The following DAB1 variants were observed in gnomAD, a reference collection of about 807,000 sequenced individuals.
DAB1 encodes the protein disabled homolog 1.
In DAB1, 15 loss-of-function variants were observed where a neutral mutation model predicts 64.6. The observed-to-expected ratio is 0.23, with a 90% CI of 0.16 to 0.36. DAB1 has a LOEUF of 0.36. DAB1 is among the 10% of genes least tolerant of loss of function. The pLI is 1.00. For missense variants in DAB1, 596 were observed against 706.7 expected, an observed-to-expected ratio of 0.84 and a Z score of 1.78; for synonymous variants, 235 against 251.9, an observed-to-expected ratio of 0.93 and a Z score of 0.64.
chr1:57,033,544 T>C, intron 9 of DAB1: 2 of 1,612,848 alleles, frequency 1.2e-6, no homozygotes, highest in Admixed American at 3.3e-5. Flanking sequence ...CAGCAAACCG[T>C]TCTTCAAAAT....
At chr1:58,314,316 G>C (rs547441757) in intron 4 of DAB1, among the ~76,000 whole-genome samples, 1 of 152,250 alleles carries the variant, frequency 6.6e-6, no homozygotes, top group African/African-American at 2.4e-5. Context: ...GCCTGATCCT[G>C]TTCTATGGCC....
intron 6 of DAB1, among the ~76,000 whole-genome samples, chr1:57,687,614 A>AG (rs1227289002): frequency 5.1e-4 from 77 of 150,100 alleles, no homozygotes; most frequent in African/African-American, 1.7e-3. Context: ...AAAAAAAAAA[A>AG]AAAAAGAAAA....
intron 1 of DAB1, among the ~76,000 whole-genome samples, chr1:57,327,854 C>A (rs949784152): frequency 1.3e-5 from 2 of 152,020 alleles, no homozygotes; most frequent in Admixed American, 1.3e-4. Context: ...GAAAAAACAA[C>A]AACAAAAAAT....
chr1:58,439,969 A>T (rs1435515795), intron 3 of DAB1, among the ~76,000 whole-genome samples: 1 of 152,178 alleles, frequency 6.6e-6, no homozygotes, highest in Non-Finnish European at 1.5e-5. Context: ...AGTTACTGTG[A>T]TGAGATTCCT....
At chr1:58,539,005 C>G (rs1222738926) in intron 1 of DAB1, 1 of 872,842 alleles carries the variant, frequency 1.1e-6, no homozygotes, top group Non-Finnish European at 2.0e-6. Context: ...CCATACAGTA[C>G]ATTTGCTGGT....
At chr1:58,353,615 A>G (rs1391792173) in intron 3 of DAB1, among the ~76,000 whole-genome samples, 2 of 152,140 alleles carry the variant, frequency 1.3e-5, no homozygotes, top group Non-Finnish European at 2.9e-5. Flanking sequence ...CAAAACACAT[A>G]CTCAAAAAGA....
At chr1:57,493,355 A>T (rs1322129237) in intron 7 of DAB1, among the ~76,000 whole-genome samples, 1 of 151,682 alleles carries the variant, frequency 6.6e-6, no homozygotes, top group Non-Finnish European at 1.5e-5. Flanking sequence ...ATTTAGCTAT[A>T]TTGGGCAACT....
chr1:58,132,548 G>A (rs1293991095), intron 5 of DAB1, among the ~76,000 whole-genome samples: 2 of 152,168 alleles, frequency 1.3e-5, no homozygotes, highest in Non-Finnish European at 2.9e-5. Context: ...TACAGCCAGG[G>A]ATCTCTGAGG....
chr1:57,940,342 T>C (rs1300295387), intron 5 of DAB1, among the ~76,000 whole-genome samples: 1 of 152,232 alleles, frequency 6.6e-6, no homozygotes, highest in Non-Finnish European at 1.5e-5. Context: ...TGCTGATATT[T>C]GATGCATTCG....
At chr1:57,343,548 C>G (rs372486205) in intron 1 of DAB1, among the ~76,000 whole-genome samples, 76 of 152,328 alleles carry the variant, frequency 5.0e-4, no homozygotes, top group African/African-American at 1.8e-3. Flanking sequence ...CCACGGAGGT[C>G]GGGGGAGGCT....
chr1:58,358,397 G>A (rs1644131226), intron 3 of DAB1, among the ~76,000 whole-genome samples: 1 of 152,108 alleles, frequency 6.6e-6, no homozygotes, highest in South Asian at 2.1e-4. Context: ...AAGAAAGAAA[G>A]GAAGAAAGAA....
chr1:57,115,683 G>A (rs1376163817), intron 4 of DAB1, among the ~76,000 whole-genome samples: 1 of 152,190 alleles, frequency 6.6e-6, no homozygotes, highest in African/African-American at 2.4e-5. Context: ...GAAAGGAAAA[G>A]GAGGGCTTTC....
At chr1:58,350,098 T>C (rs571051288) in intron 3 of DAB1, among the ~76,000 whole-genome samples, 1 of 152,364 alleles carries the variant, frequency 6.6e-6, no homozygotes, top group East Asian at 1.9e-4. Flanking sequence ...TTCCTATTTC[T>C]CCACATCCTC....
At chr1:58,180,898 A>G (rs1656754533) in intron 4 of DAB1, among the ~76,000 whole-genome samples, 1 of 152,094 alleles carries the variant, frequency 6.6e-6, no homozygotes, top group Non-Finnish European at 1.5e-5. Context: ...TCACATATCT[A>G]TTCTAAATAA....
intron 2 of DAB1, among the ~76,000 whole-genome samples, chr1:57,146,060 A>G (rs1659094783): frequency 6.6e-6 from 1 of 152,216 alleles, no homozygotes; most frequent in African/African-American, 2.4e-5. Context: ...TCTCTCAATA[A>G]TTATTAAGAT....
intron 2 of DAB1, among the ~76,000 whole-genome samples, chr1:57,227,519 T>TTGTGTGTGTGTGTGTG (rs57671970): frequency 1.5e-5 from 2 of 135,726 alleles, no homozygotes; most frequent in Admixed American, 7.5e-5. Context: ...TTTTTTTCTT[T>TTGTGTGTGTGTGTGTG]TGTGTGTGTG....
chr1:57,952,137 A>G (rs940005700), intron 5 of DAB1, among the ~76,000 whole-genome samples: 1 of 151,866 alleles, frequency 6.6e-6, no homozygotes, highest in African/African-American at 2.4e-5. Context: ...CTTTGCCTCC[A>G]GGAACGACCA....
intron 1 of DAB1, among the ~76,000 whole-genome samples, chr1:57,399,592 G>T (rs1257109341): frequency 1.3e-5 from 2 of 152,136 alleles, no homozygotes; most frequent in East Asian, 3.9e-4. Context: ...CAGCTCACTG[G>T]TCTAGTAAGC....
intron 2 of DAB1, among the ~76,000 whole-genome samples, chr1:57,287,522 G>A (rs1354723076): frequency 6.6e-6 from 1 of 152,178 alleles, no homozygotes; most frequent in Non-Finnish European, 1.5e-5. Context: ...CTTAAAGATT[G>A]ATGAGAAACT....
Sources: allele counts gnomAD v4.1 joint callset (sites outside exome capture counted in the v4.1 genomes callset), GRCh38; gene constraint gnomAD v4.1.1; transcripts MANE v1.5; gene names NCBI Gene and HGNC (gene_info 2026-07-23, HGNC 2026-07-21).